OR1J2: variants seen among roughly 807,000 people sequenced by gnomAD.
OR1J2 encodes the protein olfactory receptor 1J2.
For missense variants in OR1J2, 304 were observed against 246.1 expected, an observed-to-expected ratio of 1.24 and a Z score of -1.57; for synonymous variants, 142 against 99.7, an observed-to-expected ratio of 1.42 and a Z score of -2.52.
At chr9:122,487,172 A>G in the OR1J2 span, among the ~76,000 whole-genome samples, 1 of 152,228 alleles carries the variant, frequency 6.6e-6, no homozygotes, top group Non-Finnish European at 1.5e-5. Flanking sequence ...AGCTTATGAT[A>G]TAATTTTTAA....
At chr9:122,473,371 G>T in the OR1J2 span, among the ~76,000 whole-genome samples, 1 of 152,134 alleles carries the variant, frequency 6.6e-6, no homozygotes, top group Non-Finnish European at 1.5e-5. Context: ...CTAGAGACGT[G>T]CAATGGATCA....
chr9:122,485,970 T>G, the OR1J2 span, among the ~76,000 whole-genome samples: 1 of 151,628 alleles, frequency 6.6e-6, no homozygotes, highest in African/African-American at 2.4e-5. Context: ...GTTTTTTTTT[T>G]TTTTTTTGAG....
the OR1J2 span, chr9:122,477,448 G>T: frequency 9.3e-6 from 15 of 1,613,918 alleles, no homozygotes; most frequent in Non-Finnish European, 1.3e-5. Flanking sequence ...CAGGAGGAGG[G>T]TATGCAAAAG....
chr9:122,524,834 A>T, the OR1J2 span, among the ~76,000 whole-genome samples: 2 of 152,188 alleles, frequency 1.3e-5, no homozygotes, highest in Non-Finnish European at 2.9e-5. Context: ...CTCACACCTC[A>T]GGCTTCCTCA....
chr9:122,535,835 G>A, the OR1J2 span, among the ~76,000 whole-genome samples: 4 of 152,082 alleles, frequency 2.6e-5, no homozygotes, highest in South Asian at 2.1e-4. Context: ...GGGCTGAGTC[G>A]GAAAAGGGAG....
the OR1J2 span, among the ~76,000 whole-genome samples, chr9:122,531,696 G>C: frequency 6.6e-6 from 1 of 152,216 alleles, no homozygotes; most frequent in African/African-American, 2.4e-5. Flanking sequence ...CCTGAAGACT[G>C]AGGACCGTAA....
At chr9:122,449,983 G>T in the OR1J2 span, among the ~76,000 whole-genome samples, 1 of 151,852 alleles carries the variant, frequency 6.6e-6, no homozygotes, top group African/African-American at 2.4e-5. Context: ...TATGTTCCTT[G>T]GGCATTTAAA....
At chr9:122,460,181 G>A in the OR1J2 span, among the ~76,000 whole-genome samples, 12 of 34,482 alleles carry the variant, frequency 3.5e-4, no homozygotes, top group East Asian at 7.3e-4. Context: ...GTGTGTGTGT[G>A]TATATATATA....
chr9:122,495,626 A>T, the OR1J2 span, among the ~76,000 whole-genome samples: 1 of 151,820 alleles, frequency 6.6e-6, no homozygotes, highest in Non-Finnish European at 1.5e-5. Context: ...GTTGCACTTC[A>T]CCTTTCTCTG....
At chr9:122,513,445 G>A (rs971593466), downstream of OR1J2, among the ~76,000 whole-genome samples, 1 of 152,134 alleles carries the variant, frequency 6.6e-6, no homozygotes, top group African/African-American at 2.4e-5. Context: ...GGCTTTGGGC[G>A]GGTGAAAACA....
the OR1J2 span, among the ~76,000 whole-genome samples, chr9:122,490,797 T>C: frequency 6.6e-6 from 1 of 152,098 alleles, no homozygotes; most frequent in Non-Finnish European, 1.5e-5. Flanking sequence ...TATTGAAGAA[T>C]TTGCATATTA....
the OR1J2 span, among the ~76,000 whole-genome samples, chr9:122,456,933 G>A: frequency 1.3e-5 from 2 of 152,136 alleles, no homozygotes; most frequent in Non-Finnish European, 1.5e-5. Context: ...TATGTTCATT[G>A]CAGCACTACT....
upstream of OR1J2, chr9:122,510,700 T>A: frequency 1.4e-6 from 1 of 732,196 alleles, no homozygotes; most frequent in Non-Finnish European, 2.3e-6. Flanking sequence ...TCCCTGTGTC[T>A]ATGTTAAAAC....
At chr9:122,510,121 G>A (rs908439988), upstream of OR1J2, among the ~76,000 whole-genome samples, 4 of 152,038 alleles carry the variant, frequency 2.6e-5, no homozygotes, top group East Asian at 1.9e-4. Context: ...AAACCTGCAC[G>A]TCCTGCACAT....
chr9:122,505,031 G>T, the OR1J2 span, among the ~76,000 whole-genome samples: 1 of 152,056 alleles, frequency 6.6e-6, no homozygotes, highest in Non-Finnish European at 1.5e-5. Context: ...AATGCTGTTG[G>T]ACTTCAATGA....
the OR1J2 span, among the ~76,000 whole-genome samples, chr9:122,471,994 T>C: frequency 2.0e-5 from 3 of 152,192 alleles, no homozygotes; most frequent in East Asian, 5.8e-4. Context: ...TATAAAACAA[T>C]ACTGGTCAGG....
chr9:122,501,460 C>T, the OR1J2 span, among the ~76,000 whole-genome samples: 1 of 152,132 alleles, frequency 6.6e-6, no homozygotes, highest in African/African-American at 2.4e-5. Context: ...GACAAGTTTC[C>T]GAAGCCTCAG....
chr9:122,464,788 G>A, the OR1J2 span, among the ~76,000 whole-genome samples: 1 of 152,188 alleles, frequency 6.6e-6, no homozygotes, highest in Non-Finnish European at 1.5e-5. Context: ...CCCTTTGGTA[G>A]CAGCTCCCTA....
chr9:122,513,481 G>A (rs530659282), downstream of OR1J2, among the ~76,000 whole-genome samples: 12 of 151,956 alleles, frequency 7.9e-5, no homozygotes, highest in South Asian at 1.7e-3. Flanking sequence ...CTGTGTTTCC[G>A]CAGAGTTCAA....
Sources: allele counts gnomAD v4.1 joint callset (sites outside exome capture counted in the v4.1 genomes callset), GRCh38; gene constraint gnomAD v4.1.1; transcripts MANE v1.5; gene names NCBI Gene and HGNC (gene_info 2026-07-23, HGNC 2026-07-21).